CCDC18: variants seen among roughly 807,000 people sequenced by gnomAD.
CCDC18 encodes the protein coiled-coil domain-containing protein 18.
A neutral mutation model predicts 196.0 loss-of-function variants in CCDC18; 157 were observed. The ratio of observed to expected loss-of-function variants is 0.80; its 90% confidence interval spans 0.70 to 0.91. CCDC18 has a LOEUF of 0.91. CCDC18 is among the 40% of genes least tolerant of loss of function. The probability of loss-of-function intolerance (pLI) is 0.00; values close to 1 mark genes in which losing one functional copy is unlikely to be tolerated. For synonymous variants in CCDC18, 482 were observed against 529.2 expected (o/e 0.91, Z 1.22); for missense variants, 1,465 against 1,611.6 (o/e 0.91, Z 1.56).
chr1:93,228,679 T>G (rs1570462602), intron 17 of CCDC18, among the ~76,000 whole-genome samples: 1 of 44,920 alleles, frequency 2.2e-5, no homozygotes, highest in East Asian at 4.7e-4. Context: ...AGGAATGTCC[T>G]TTTTTTTTTT....
In CCDC18 at chr1:93,258,900, A is replaced by C. The variant is rs79846387; in HGVS notation, c.3684+15A>C. On this transcript the variant is annotated intron_variant, in intron 26 of 28. Coordinates refer to ENST00000690025, the MANE Select transcript of CCDC18 (RefSeq NM_001378204.1). The stretch of plus-strand genomic sequence containing the variant: ...ATCATATGGAGGTAAAGAAAAATTT[A>C]ATTTGTTTTGTTAGTGCCCACTAAA... The C allele has an allele frequency of 7.6e-4, 1,208 of 1,583,774 alleles. 19 individuals are homozygous for C. The East Asian group carries it at 0.024, about 31-fold the overall frequency.
At chr1:93,181,428 ATGT>A (rs1036336060) in intron 1 of CCDC18, among the ~76,000 whole-genome samples, 7 of 152,062 alleles carry the variant, frequency 4.6e-5, no homozygotes, top group African/African-American at 1.4e-4. Flanking sequence ...CCGAAAGATG[ATGT>A]TGTTAAGGTC....
At chr1:93,261,215 G>GA (rs1663739350) in intron 26 of CCDC18, among the ~76,000 whole-genome samples, 1 of 152,062 alleles carries the variant, frequency 6.6e-6, no homozygotes, top group African/African-American at 2.4e-5. Context: ...CAAATTGTCA[G>GA]AAAATCACTT....
intron 13 of CCDC18, among the ~76,000 whole-genome samples, chr1:93,216,987 T>G (rs1656601172): frequency 6.8e-6 from 1 of 146,710 alleles, no homozygotes; most frequent in Non-Finnish European, 1.5e-5. Context: ...CAGGCTGGAG[T>G]GCAGTGGTGT....
At chr1:93,242,788 C>T (rs1330312126) in intron 21 of CCDC18, among the ~76,000 whole-genome samples, 1 of 152,146 alleles carries the variant, frequency 6.6e-6, no homozygotes, top group African/African-American at 2.4e-5. Context: ...GGCTACAGGC[C>T]CCATGCAAGT....
Position 93,239,485 on chromosome 1 carries a change from G to A in CCDC18, c.2767+12G>A. On this transcript the variant is annotated intron_variant, in intron 20 of 28. Transcript: ENST00000690025. The stretch of plus-strand genomic sequence containing the variant: ...GAAAACAAATGCTGGTAAGCAAGTG[G>A]TTAGATGAGTATAGCTGCCTATGTA... 1 of 1,603,756 alleles carries A rather than the reference G, an allele frequency of 6.2e-7. No homozygotes were observed. The highest frequency in any genetic ancestry group is 8.5e-7 in the Non-Finnish European group (1 of 1,176,070).
In CCDC18 at chr1:93,190,982, T is replaced by C. The variant is rs979465101; in HGVS notation, c.463-1018T>C. The C allele has an allele frequency of 5.9e-6, 6 of 1,010,204 alleles. No individual in the cohort carries two copies. In the Admixed American group the frequency reaches 1.0e-4, roughly 17 times the overall value. The allele number at this position is 1,010,204 out of a possible 1,614,324, so 62.6% of individuals were successfully genotyped here. On this transcript the variant is annotated intron_variant, in intron 4 of 28. Transcript: ENST00000690025. ...GCATACAGAGAATCCTTGCCCTTCT[T>C]GTACTGTGTCACTTTCTAGGGTTGG...
At chr1:93,272,251 G>T (rs1441743475) in intron 28 of CCDC18, among the ~76,000 whole-genome samples, 2 of 152,176 alleles carry the variant, frequency 1.3e-5, no homozygotes, top group Non-Finnish European at 2.9e-5. Flanking sequence ...TCTGTGTGGA[G>T]AGGGTATGGT....
At chr1:93,182,132 G>A (rs975353079) in intron 1 of CCDC18, among the ~76,000 whole-genome samples, 1 of 152,184 alleles carries the variant, frequency 6.6e-6, no homozygotes, top group Non-Finnish European at 1.5e-5. Context: ...TTAAGCAGAA[G>A]CAAATTTGTG....
At chr1:93,267,968 C>G (rs1664738241) in intron 27 of CCDC18, among the ~76,000 whole-genome samples, 1 of 152,098 alleles carries the variant, frequency 6.6e-6, no homozygotes, top group South Asian at 2.1e-4. Context: ...AAAAAAGAGC[C>G]CACACAGCCA....
At chr1:93,193,162 TA>T (rs957704204) in intron 5 of CCDC18, among the ~76,000 whole-genome samples, 2 of 151,916 alleles carry the variant, frequency 1.3e-5, no homozygotes, top group African/African-American at 2.4e-5. Flanking sequence ...TATCAGCAAA[TA>T]AAAAAAATTT....
At chr1:93,224,528 C>T (rs1368361151) in intron 16 of CCDC18, among the ~76,000 whole-genome samples, 4 of 152,212 alleles carry the variant, frequency 2.6e-5, no homozygotes, top group Non-Finnish European at 5.9e-5. Context: ...TGAAGAGTAT[C>T]TAGCCATGCC....
chr1:93,273,064 GCTTTT>G (rs892257232), intron 28 of CCDC18, among the ~76,000 whole-genome samples: 3 of 149,854 alleles, frequency 2.0e-5, no homozygotes, highest in Non-Finnish European at 3.0e-5. Flanking sequence ...TTTATCAATT[GCTTTT>G]CTTTTCTTTT....
chr1:93,231,167 G>A (rs372909107), intron 17 of CCDC18, among the ~76,000 whole-genome samples: 7 of 152,246 alleles, frequency 4.6e-5, no homozygotes, highest in East Asian at 3.9e-4. Context: ...GAAGCAAGTC[G>A]TGATTCTCTT....
Position 93,193,746 on chromosome 1 carries a change from T to G in CCDC18, c.698+2T>G. ...TGAACAAACCAAACAAGGAAAAAGG[T>G]ATGTGTTTTTAAAGCAAATACATGT... On this transcript the variant is annotated splice_donor_variant, in intron 6 of 28. Transcript: ENST00000690025. LOFTEE classifies it high-confidence loss of function. The G allele has an allele frequency of 6.5e-7, 1 of 1,543,356 alleles. No homozygotes were observed. Among genetic ancestry groups the G allele is most frequent in the South Asian group, 1.3e-5 (1 of 78,534 alleles).
chr1:93,261,238 A>G (rs1663744345), intron 26 of CCDC18, among the ~76,000 whole-genome samples: 1 of 152,186 alleles, frequency 6.6e-6, no homozygotes, highest in Non-Finnish European at 1.5e-5. Flanking sequence ...TAATAAATGT[A>G]AAACTCCTGA....
intron 28 of CCDC18, among the ~76,000 whole-genome samples, chr1:93,274,411 A>T (rs2101579446): frequency 6.6e-6 from 1 of 152,258 alleles, no homozygotes; most frequent in East Asian, 1.9e-4. Flanking sequence ...CTAAATAAAT[A>T]AATAAATAGT....
At position 93,207,337 on chromosome 1, in the gene CCDC18, A is replaced by G. The variant is rs1654870148; in HGVS notation, c.1148A>G (p.Gln383Arg). The G allele has an allele frequency of 3.1e-6, 5 of 1,612,918 alleles. No individual in the cohort carries two copies. The highest frequency in any genetic ancestry group is 4.5e-5 in the East Asian group (2 of 44,822). ...AQNERLDLCQ[Q>R]EIESSRVELR... The stretch of plus-strand genomic sequence containing the variant: ...AATGAGCGACTAGATTTATGTCAAC[A>G]AGAAATTGAAAGTTCAAGGGTAGAA... The change falls in exon 9 of 29, where the codon CAA (glutamine) becomes CGA (arginine). Residue 383 changes from glutamine to arginine, a missense_variant. Coordinates refer to ENST00000690025, the MANE Select transcript of CCDC18 (RefSeq NM_001378204.1).
rs543405610 is a variant in CCDC18, at chr1:93,219,564, A to G, written c.1962+1695A>G. Among the ~76,000 whole-genome samples the G allele has an allele frequency of 2.6e-5, 4 of 152,372 alleles. No individual in the cohort carries two copies. In the South Asian group the frequency reaches 6.2e-4, roughly 24 times the overall value. ...TGACTAACGAGCAGGTAGCTTATAC[A>G]GCATGGAAAATGGATCATTCTTGTC... On this transcript the variant is annotated intron_variant, in intron 14 of 28. Transcript: ENST00000690025.
Sources: gnomAD v4.1 joint callset for allele counts (sites outside exome capture counted in the v4.1 genomes callset) on GRCh38, gnomAD v4.1.1 for gene constraint, MANE v1.5 for transcripts, NCBI Gene and HGNC (gene_info 2026-07-23, HGNC 2026-07-21) for gene names.